Variants in DPEP2 observed in about 807,000 individuals in gnomAD.
DPEP2 encodes the protein dipeptidase 2.
Under a neutral mutation model 51.8 loss-of-function variants are expected in DPEP2, and 45 were observed. That is an observed-to-expected ratio of 0.87 (90% CI 0.68 to 1.11). The LOEUF is 1.11. Ranked by LOEUF, DPEP2 falls within the 50% of genes most tolerant of loss-of-function variation. The pLI is 0.00. For synonymous variants in DPEP2, 255 were observed against 262.7 expected (o/e 0.97, Z 0.28); for missense variants, 604 against 631.9 (o/e 0.96, Z 0.47).
chr16:67,987,589 A>G lies in DPEP2; in HGVS notation c.1378T>C (p.Trp460Arg), dbSNP rs1435518589. The G allele has an allele frequency of 6.2e-7, 1 of 1,614,186 alleles. No homozygotes were observed. Among genetic ancestry groups the G allele is most frequent in the Admixed American group, 1.7e-5 (1 of 59,996 alleles). ...IHWTAKLPAKWSVSESSPHMA... is the reference protein window; with the variant it reads ...IHWTAKLPAKRSVSESSPHMA... Reference sequence around the variant, plus strand: ...TGGGGGGAGGACTCTGAGACTGACCACTTGGCTGGTAACTTGGCTGTCCAG... The same window carrying G: ...TGGGGGGAGGACTCTGAGACTGACCGCTTGGCTGGTAACTTGGCTGTCCAG... Residue 460 changes from tryptophan to arginine, a missense_variant, in exon 11 of 11, where the codon TGG (tryptophan) becomes CGG (arginine). By Grantham distance (101) the Trp-to-Arg change is moderately radical (BLOSUM62 -3). Transcript: ENST00000393847.
chr16:67,991,248 C>G lies in DPEP2; in HGVS notation c.663-64G>C. 1 of 1,534,514 alleles carries G rather than the reference C, an allele frequency of 6.5e-7. No homozygotes were observed. The highest frequency in any genetic ancestry group is 8.9e-7 in the Non-Finnish European group (1 of 1,118,258). Reference sequence around the variant, plus strand: ...TCCTCGGCCTCAAGAGTCTAGAGGCCCTACCCACCCTCCATCCCTGCACCC... The same window carrying G: ...TCCTCGGCCTCAAGAGTCTAGAGGCGCTACCCACCCTCCATCCCTGCACCC... On this transcript the variant is annotated intron_variant, in intron 5 of 10. Coordinates refer to ENST00000393847, the MANE Select transcript of DPEP2 (RefSeq NM_022355.4). This position sits in a 1 kb window ranked among gnomAD's most constrained non-coding sequence, Gnocchi z 5.1.
At chr16:67,994,017 C>A (rs1022343376) in intron 1 of DPEP2, 1 of 985,470 alleles carries the variant, frequency 1.0e-6, no homozygotes, top group Non-Finnish European at 1.2e-6. Context: ...CTCCCCAGGA[C>A]CCCAGTGGAG....
At chr16:67,993,303 C>A in intron 1 of DPEP2, 46 bp from the exon 2 acceptor site, 1 of 1,349,830 alleles carries the variant, frequency 7.4e-7, no homozygotes, top group Non-Finnish European at 9.5e-7. Context: ...GGAGTCCCGA[C>A]CCTCGATTCA....
intron 1 of DPEP2, among the ~76,000 whole-genome samples, chr16:67,995,227 T>G (rs905057369): frequency 6.6e-6 from 1 of 151,732 alleles, no homozygotes; most frequent in African/African-American, 2.4e-5. Flanking sequence ...TTTATTTTTT[T>G]AATTAAAGAC....
At chr16:67,989,422 T>A in intron 8 of DPEP2, 24 bp from the exon 9 acceptor site, 1 of 1,613,780 alleles carries the variant, frequency 6.2e-7, no homozygotes, top group South Asian at 1.1e-5. Context: ...AGGTGGACAG[T>A]CAGCTGCGTA....
At chr16:67,989,854 A>G (rs1330349112) in intron 8 of DPEP2, among the ~76,000 whole-genome samples, 193 bp downstream of exon 8, 1 of 152,174 alleles carries the variant, frequency 6.6e-6, no homozygotes, top group South Asian at 2.1e-4. Context: ...CTCAGGTTCT[A>G]TGTGTGGCTT....
chr16:67,992,944 A>C lies in DPEP2; in HGVS notation c.263+6T>G. On this transcript the variant is annotated splice_donor_region_variant and intron_variant, in intron 2 of 10. Transcript: ENST00000393847. ...CTCCCATCGCCCCCTTGCAGCAATT[A>C]CGCACCCGTCCACGAGCGGGAAGTC... 1 of 1,608,282 alleles carries C rather than the reference A, an allele frequency of 6.2e-7. No homozygotes were observed. The highest frequency in any genetic ancestry group is 8.5e-7 in the Non-Finnish European group (1 of 1,177,348).
chr16:67,992,554 G>A lies in DPEP2; in HGVS notation c.346C>T (p.Gln116Ter). 6.2e-7 allele frequency: 1 copy of A among 1,614,134 alleles called. No individual in the cohort carries two copies. The highest frequency in any genetic ancestry group is 1.3e-5 in the African/African-American group (1 of 75,050). The change falls in exon 3 of 11, where the codon CAG becomes TAG. Residue 116 changes from glutamine (Q) to a stop codon, truncating the protein, a stop_gained. Transcript: ENST00000393847. LOFTEE classifies it high-confidence loss of function. ...DVNLRNFSYG[Q>*]TSLDRLRDGL... ...TCTCTAAGCCTGTCCAGGCTGGTCT[G>A]GCCGTAGCTGAAATTGCGCAGGTTA...
chr16:67,998,684 C>CTGG (rs1189322393), intron 1 of DPEP2, among the ~76,000 whole-genome samples: 1 of 152,232 alleles, frequency 6.6e-6, no homozygotes, highest in African/African-American at 2.4e-5. Flanking sequence ...GCTCCTGAGT[C>CTGG]TGGTGGGGAC....
At chr16:67,992,876 C>T in intron 2 of DPEP2, 74 bp downstream of exon 2, 3 of 1,532,174 alleles carry the variant, frequency 2.0e-6, no homozygotes, top group Non-Finnish European at 8.8e-7. Context: ...CCTCCACAGC[C>T]CTGCATACTC....
At chr16:67,990,696 T>A in intron 7 of DPEP2, 125 bp downstream of exon 7, 1 of 1,095,844 alleles carries the variant, frequency 9.1e-7, no homozygotes, top group Non-Finnish European at 1.3e-6. Context: ...ACTCCTGACC[T>A]CAAGTGATCA....
intron 1 of DPEP2, among the ~76,000 whole-genome samples, chr16:67,997,228 T>G (rs1473102490): frequency 1.3e-5 from 2 of 151,622 alleles, no homozygotes; most frequent in Non-Finnish European, 2.9e-5. Flanking sequence ...AGATGGGGTT[T>G]TGCCATGTTG....
chr16:67,992,413 G>C lies in DPEP2; in HGVS notation c.390+97C>G, dbSNP rs2032282552. On this transcript the variant is annotated intron_variant, in intron 3 of 10. Coordinates refer to ENST00000393847, the MANE Select transcript of DPEP2 (RefSeq NM_022355.4). ...CACTTTTTGGGTCACTATGGTAACT[G>C]AGTTCTCATGTGACTAACTTGTGAT... 4 of 1,518,732 alleles carry C rather than the reference G, an allele frequency of 2.6e-6. No homozygotes were observed. The African/African-American group carries it at 5.5e-5, about 21-fold the overall frequency. 94.1% of individuals were successfully genotyped at this position (1,518,732 alleles called of 1,614,324 possible).
chr16:67,998,324 G>T (rs944304053), intron 1 of DPEP2, among the ~76,000 whole-genome samples: 1 of 152,158 alleles, frequency 6.6e-6, no homozygotes, highest in African/African-American at 2.4e-5. Context: ...CGCGGGCCCT[G>T]CTGGCCCCGG....
intron 1 of DPEP2, among the ~76,000 whole-genome samples, chr16:67,999,065 C>T (rs533631389): frequency 2.0e-5 from 3 of 152,272 alleles, no homozygotes; most frequent in Admixed American, 6.5e-5. Context: ...TTCTGGTCCC[C>T]TTCCACACTG....
intron 1 of DPEP2, chr16:67,993,573 C>A (rs2032459654): frequency 3.9e-6 from 4 of 1,030,108 alleles, no homozygotes; most frequent in Non-Finnish European, 4.7e-6. Context: ...TCCTCTGCTG[C>A]CCCTAGGCTC....
intron 7 of DPEP2, 115 bp downstream of exon 7, chr16:67,990,706 A>C: frequency 4.2e-6 from 5 of 1,182,438 alleles, no homozygotes; most frequent in Non-Finnish European, 6.0e-6. Flanking sequence ...TCAAGTGATC[A>C]GCCCACCTCA....
intron 1 of DPEP2, among the ~76,000 whole-genome samples, chr16:67,997,443 G>A (rs187064786): frequency 5.3e-5 from 8 of 152,150 alleles, no homozygotes; most frequent in Non-Finnish European, 1.2e-4. Flanking sequence ...TGCAAGCTCC[G>A]CCTCCCGGGT....
At chr16:67,998,452 G>T (rs2032829546) in intron 1 of DPEP2, among the ~76,000 whole-genome samples, 4 of 152,228 alleles carry the variant, frequency 2.6e-5, no homozygotes, top group Admixed American at 1.3e-4. Context: ...GCCTTCCCGG[G>T]GGGGCAGGGC....
Sources: allele counts gnomAD v4.1 joint callset (sites outside exome capture counted in the v4.1 genomes callset), GRCh38; gene constraint gnomAD v4.1.1; non-coding constraint Gnocchi (gnomAD v3.1); transcripts MANE v1.5; gene names NCBI Gene and HGNC (gene_info 2026-07-23, HGNC 2026-07-21).